PLEKHA5: variants seen among roughly 807,000 people sequenced by gnomAD.
PLEKHA5 encodes pleckstrin homology domain-containing family A member 5.
In PLEKHA5, 55 loss-of-function variants were observed where a neutral mutation model predicts 181.9. That is an observed-to-expected ratio of 0.30 (90% CI 0.24 to 0.38). The LOEUF (loss-of-function observed/expected upper bound fraction) is 0.38, where lower values mean the gene tolerates loss of function less well. PLEKHA5 is among the 10% of genes least tolerant of loss of function. The pLI, the probability that PLEKHA5 is intolerant of heterozygous loss-of-function variation, is 1.00. For synonymous variants in PLEKHA5, 535 were observed against 529.4 expected, an observed-to-expected ratio of 1.01 and a Z score of -0.15; for missense variants, 1,432 against 1,549.5, an observed-to-expected ratio of 0.92 and a Z score of 1.27.
chr12:19,167,224 A>G (rs1245887265), intron 3 of PLEKHA5, among the ~76,000 whole-genome samples: 5 of 152,112 alleles, frequency 3.3e-5, no homozygotes, highest in Non-Finnish European at 7.3e-5. Flanking sequence ...GAATAGAGCC[A>G]GAGAGGTAAA....
At chr12:19,348,917 G>A (rs1380694556) in intron 25 of PLEKHA5, among the ~76,000 whole-genome samples, 5 of 152,054 alleles carry the variant, frequency 3.3e-5, no homozygotes, top group Admixed American at 1.3e-4. Flanking sequence ...AGCCGAGATC[G>A]CACCACTGCA....
At chr12:19,175,948 A>G (rs906210482) in intron 3 of PLEKHA5, among the ~76,000 whole-genome samples, 1 of 152,150 alleles carries the variant, frequency 6.6e-6, no homozygotes, top group African/African-American at 2.4e-5. Context: ...CTCAGTATTC[A>G]TTCAGGAAGA....
intron 3 of PLEKHA5, among the ~76,000 whole-genome samples, chr12:19,202,255 C>T (rs1259584936): frequency 6.6e-6 from 1 of 151,880 alleles, no homozygotes; most frequent in Non-Finnish European, 1.5e-5. Context: ...GCCTCTGAGT[C>T]TCTGTGTCCA....
chr12:19,270,283 CT>C, intron 10 of PLEKHA5, 78 bp downstream of exon 10: 2 of 713,130 alleles, frequency 2.8e-6, no homozygotes, highest in Admixed American at 3.7e-5. Flanking sequence ...GATTCTAAAT[CT>C]TAGAAGAGAG....
chr12:19,183,804 G>T (rs1456987998), intron 3 of PLEKHA5, among the ~76,000 whole-genome samples: 1 of 152,088 alleles, frequency 6.6e-6, no homozygotes, highest in Non-Finnish European at 1.5e-5. Flanking sequence ...CCCTCTGCCT[G>T]CCAGGTTCAA....
chr12:19,157,775 C>T (rs899325253), intron 3 of PLEKHA5, among the ~76,000 whole-genome samples: 2 of 152,064 alleles, frequency 1.3e-5, no homozygotes, highest in Non-Finnish European at 2.9e-5. Context: ...TCAGGTGGGT[C>T]AGCATTCTAC....
Position 19,291,688 on chromosome 12 carries a change from G to A in PLEKHA5, c.2028G>A (p.Leu676=). ...SHHLQRNTIY[L]DHQMKENEPI... Reference sequence around the variant, plus strand: ...ATCTCCAAAGGAACACCATATATTTGGATCATCAGGTGGGATTCATAGAGA... The same window carrying A: ...ATCTCCAAAGGAACACCATATATTTAGATCATCAGGTGGGATTCATAGAGA... The change falls in exon 15 of 32, where the codon TTG becomes TTA. Residue 676 remains leucine, a synonymous_variant. Coordinates refer to ENST00000429027, the MANE Select transcript of PLEKHA5 (RefSeq NM_001256470.2). The A allele has an allele frequency of 1.3e-6, 2 of 1,500,648 alleles. No homozygotes were observed. The highest frequency in any genetic ancestry group is 1.8e-6 in the Non-Finnish European group (2 of 1,117,102). The allele number at this position is 1,500,648 out of a possible 1,614,324, so 93.0% of individuals were successfully genotyped here. A position where few individuals can be genotyped will look rare whatever the true frequency, so the allele number is the denominator to read the frequency against.
intron 3 of PLEKHA5, among the ~76,000 whole-genome samples, chr12:19,142,093 C>T (rs1470035788): frequency 6.6e-6 from 1 of 152,188 alleles, no homozygotes; most frequent in Non-Finnish European, 1.5e-5. Flanking sequence ...GGTGCTGTGG[C>T]TCACGCCTGT....
intron 31 of PLEKHA5, among the ~76,000 whole-genome samples, chr12:19,374,682 CAGT>C (rs1380713401): frequency 1.3e-5 from 2 of 149,776 alleles, no homozygotes; most frequent in Non-Finnish European, 3.0e-5. Flanking sequence ...AGGCCAGGTG[CAGT>C]GGCTCACACC....
At chr12:19,322,795 G>A (rs573167524) in intron 20 of PLEKHA5, 128 bp downstream of exon 20, 1 of 610,188 alleles carries the variant, frequency 1.6e-6, no homozygotes, top group South Asian at 2.4e-5. Context: ...ATATTAATTT[G>A]TTATTAGTGT....
chr12:19,282,536 A>G (rs1464170947), intron 11 of PLEKHA5, among the ~76,000 whole-genome samples: 1 of 152,232 alleles, frequency 6.6e-6, no homozygotes, highest in African/African-American at 2.4e-5. Flanking sequence ...AGAATAGTCA[A>G]CATATACTTG....
At chr12:19,323,732 C>A (rs1450129924) in intron 20 of PLEKHA5, among the ~76,000 whole-genome samples, 1 of 149,534 alleles carries the variant, frequency 6.7e-6, no homozygotes, top group African/African-American at 2.5e-5. Flanking sequence ...ACGAGAATTG[C>A]TTGAACCTAG....
At chr12:19,174,359 T>A (rs1039542652) in intron 3 of PLEKHA5, among the ~76,000 whole-genome samples, 6 of 152,222 alleles carry the variant, frequency 3.9e-5, no homozygotes, top group African/African-American at 1.4e-4. Context: ...ATGTGTATAT[T>A]TCCCCAAGTT....
At chr12:19,253,689 G>A (rs1156390735) in intron 3 of PLEKHA5, among the ~76,000 whole-genome samples, 1 of 151,750 alleles carries the variant, frequency 6.6e-6, no homozygotes, top group African/African-American at 2.4e-5. Flanking sequence ...GCGTGATGGT[G>A]GGCGCCTATA....
chr12:19,289,472 T>G (rs963712636), intron 13 of PLEKHA5, among the ~76,000 whole-genome samples: 1 of 152,152 alleles, frequency 6.6e-6, no homozygotes, highest in African/African-American at 2.4e-5. Context: ...CTTTTTAGCC[T>G]GGAATTTTTA....
intron 15 of PLEKHA5, among the ~76,000 whole-genome samples, chr12:19,311,938 A>G (rs1447326686): frequency 2.0e-5 from 3 of 152,192 alleles, no homozygotes; most frequent in African/African-American, 4.8e-5. Flanking sequence ...TATGAAATGC[A>G]TTTCCTAAAT....
intron 3 of PLEKHA5, among the ~76,000 whole-genome samples, chr12:19,203,953 G>A (rs56184887): frequency 7.9e-5 from 12 of 151,934 alleles, no homozygotes; most frequent in Admixed American, 7.2e-4. Context: ...CAGAACTACC[G>A]CACCCCCATA....
intron 3 of PLEKHA5, among the ~76,000 whole-genome samples, chr12:19,216,291 C>G (rs2057964109): frequency 6.6e-6 from 1 of 152,150 alleles, no homozygotes; most frequent in African/African-American, 2.4e-5. Context: ...TGGAAAAAAT[C>G]TAAGAGAGTA....
intron 3 of PLEKHA5, among the ~76,000 whole-genome samples, chr12:19,169,077 G>C (rs893863948): frequency 6.6e-6 from 1 of 152,114 alleles, no homozygotes; most frequent in Admixed American, 6.5e-5. Flanking sequence ...TGTAGTCCTA[G>C]AAAACGTGGC....
Sources: gnomAD v4.1 joint callset for allele counts (sites outside exome capture counted in the v4.1 genomes callset) on GRCh38, gnomAD v4.1.1 for gene constraint, MANE v1.5 for transcripts, NCBI Gene and HGNC (gene_info 2026-07-23, HGNC 2026-07-21) for gene names.